Variants in DCLK2 observed in about 807,000 individuals in gnomAD.
DCLK2 encodes the protein serine/threonine-protein kinase DCLK2.
A neutral mutation model predicts 78.4 loss-of-function variants in DCLK2; 31 were observed. That is an observed-to-expected ratio of 0.40 (90% CI 0.30 to 0.53). The LOEUF is 0.53. Among genes scored for constraint, DCLK2 ranks in the 20% least tolerant of loss-of-function variants. The probability of loss-of-function intolerance (pLI) is 0.61; values close to 1 mark genes in which losing one functional copy is unlikely to be tolerated. For synonymous variants in DCLK2, 407 were observed against 374.9 expected (o/e 1.09, Z -0.99); for missense variants, 872 against 973.7 (o/e 0.90, Z 1.39).
chr4:150,247,838 C>T, intron 13 of DCLK2, 139 bp downstream of exon 13: 1 of 667,486 alleles, frequency 1.5e-6, no homozygotes, highest in Non-Finnish European at 2.5e-6. Flanking sequence ...TAAGTTTATC[C>T]CATGGTATGG....
chr4:150,167,698 G>A (rs1736202533), intron 2 of DCLK2, among the ~76,000 whole-genome samples: 2 of 152,118 alleles, frequency 1.3e-5, no homozygotes, highest in Non-Finnish European at 2.9e-5. Context: ...TTAAAATAAT[G>A]ATTGGTCGCA....
chr4:150,161,409 G>A (rs4240359), intron 2 of DCLK2, among the ~76,000 whole-genome samples: 40,741 of 152,016 alleles, frequency 0.27, 5,691 homozygotes, highest in South Asian at 0.49. Flanking sequence ...TGTGTTCAGA[G>A]GGTAATATAT....
intron 6 of DCLK2, among the ~76,000 whole-genome samples, chr4:150,221,240 C>G (rs1209421496): frequency 6.6e-6 from 1 of 151,888 alleles, no homozygotes; most frequent in Non-Finnish European, 1.5e-5. Context: ...AGAATTTTCT[C>G]TACTAGAAAA....
chr4:150,158,004 T>A (rs1260904691), intron 2 of DCLK2, among the ~76,000 whole-genome samples: 1 of 152,242 alleles, frequency 6.6e-6, no homozygotes, highest in African/African-American at 2.4e-5. Context: ...CATTGTAATA[T>A]CTACGATGTT....
At chr4:150,116,310 A>G (rs146741442) in intron 2 of DCLK2, among the ~76,000 whole-genome samples, 3 of 152,322 alleles carry the variant, frequency 2.0e-5, no homozygotes, top group African/African-American at 4.8e-5. Context: ...CCCTTCTCCA[A>G]GATCCTTCAC....
chr4:150,212,078 A>T (rs968428109), intron 5 of DCLK2, among the ~76,000 whole-genome samples: 1 of 152,228 alleles, frequency 6.6e-6, no homozygotes, highest in African/African-American at 2.4e-5. Context: ...ATCTGTGGAC[A>T]CTGAGGGATA....
At chr4:150,157,489 TTTTG>T (rs140147570) in intron 2 of DCLK2, among the ~76,000 whole-genome samples, 13,858 of 98,822 alleles carry the variant, frequency 0.14, 984 homozygotes, top group East Asian at 0.27. Flanking sequence ...GAGATGGTTT[TTTTG>T]TTTGTTTGTT....
chr4:150,134,288 G>A (rs1733544379), intron 2 of DCLK2, among the ~76,000 whole-genome samples: 1 of 151,854 alleles, frequency 6.6e-6, no homozygotes, highest in African/African-American at 2.4e-5. Flanking sequence ...CACCATGTTG[G>A]TCAGGCTGCT....
At chr4:150,232,922 C>G in intron 10 of DCLK2, 94 bp downstream of exon 10, 1 of 1,435,032 alleles carries the variant, frequency 7.0e-7, no homozygotes, top group Non-Finnish European at 9.4e-7. Context: ...CTATACCAAT[C>G]CTACATTATG....
chr4:150,079,554 G>A (rs933601783), intron 1 of DCLK2, 106 bp downstream of exon 1: 24 of 1,146,106 alleles, frequency 2.1e-5, no homozygotes, highest in Non-Finnish European at 2.9e-5. Context: ...CAAGCCGCAC[G>A]GGAATTGATG....
At chr4:150,188,698 G>A (rs2126335672) in intron 2 of DCLK2, among the ~76,000 whole-genome samples, 1 of 151,912 alleles carries the variant, frequency 6.6e-6, no homozygotes, top group Non-Finnish European at 1.5e-5. Flanking sequence ...TCAGGAGATC[G>A]AGACCATCCT....
At chr4:150,160,222 T>G (rs781084710) in intron 2 of DCLK2, among the ~76,000 whole-genome samples, 2 of 152,144 alleles carry the variant, frequency 1.3e-5, no homozygotes, top group Non-Finnish European at 2.9e-5. Context: ...TTCACCACGT[T>G]GCCCAGGCTG....
At chr4:150,254,466 C>T in intron 15 of DCLK2, 1 of 398,810 alleles carries the variant, frequency 2.5e-6, no homozygotes, top group Non-Finnish European at 4.4e-6. Flanking sequence ...TGCCAGCCTG[C>T]CTTCTGCCAC....
At position 150,210,686 on chromosome 4, in the gene DCLK2, G is replaced by A. The variant is rs1331053323; in HGVS notation, c.1056+6797G>A. Among the ~76,000 whole-genome samples the A allele has an allele frequency of 3.9e-5, 6 of 152,220 alleles. 1 individual carries two copies. Among genetic ancestry groups the A allele is most frequent in the Admixed American group, 1.3e-4 (2 of 15,272 alleles). On this transcript the variant is annotated intron_variant, in intron 5 of 15. Coordinates refer to ENST00000296550, the MANE Select transcript of DCLK2 (RefSeq NM_001040260.4). ...ATTCTGGCAAGGCACAGTCGCTCAC[G>A]CCTTTAATCCTAGCACTTTGGGAGG...
chr4:150,197,987 TTTG>T lies in DCLK2; in HGVS notation c.860-12_860-10del. ...TAAAACCAGATTTAGTTAATGCACT[TTTG>T]TTCTTTTCTAGAATGTCGTGTCCTG... is the stretch of plus-strand genomic sequence containing the variant. On this transcript the variant is annotated splice_polypyrimidine_tract_variant and intron_variant, in intron 3 of 15. Coordinates refer to ENST00000296550, the MANE Select transcript of DCLK2 (RefSeq NM_001040260.4). 6.2e-7 allele frequency: 1 copy of T among 1,601,446 alleles called. No individual in the cohort carries two copies. Among genetic ancestry groups the T allele is most frequent in the Non-Finnish European group, 8.5e-7 (1 of 1,175,402 alleles).
chr4:150,185,517 C>T (rs972254061), intron 2 of DCLK2, among the ~76,000 whole-genome samples: 3 of 151,830 alleles, frequency 2.0e-5, no homozygotes, highest in Admixed American at 2.0e-4. Flanking sequence ...AGTTCGAGAC[C>T]AGCCTGACCA....
rs59728799 is a variant in DCLK2 at position 150,113,697 on chromosome 4, C to CTT, written c.756+10896_756+10897dup. 5.5e-3 allele frequency among the ~76,000 whole-genome samples: 776 copies of CTT among 141,356 alleles called. 4 individuals are homozygous for CTT. Among genetic ancestry groups the CTT allele is most frequent in the African/African-American group, 0.019 (725 of 38,368 alleles). 92.7% of individuals were successfully genotyped at this position (141,356 alleles called of 152,430 possible). On this transcript the variant is annotated intron_variant, in intron 2 of 15. Transcript: ENST00000296550. ...TTGTTTATCTTTGCAAAGAACCAAC[C>CTT]TTTTTTTTTTTTCATTGATCTTTTG...
At chr4:150,193,501 C>G (rs546228700) in intron 3 of DCLK2, among the ~76,000 whole-genome samples, 1 of 152,294 alleles carries the variant, frequency 6.6e-6, no homozygotes, top group East Asian at 1.9e-4. Context: ...CAATTCAGTT[C>G]CCTCTCTTAT....
At chr4:150,111,026 T>C (rs1388656390) in intron 2 of DCLK2, among the ~76,000 whole-genome samples, 2 of 152,208 alleles carry the variant, frequency 1.3e-5, no homozygotes, top group African/African-American at 4.8e-5. Context: ...GATCAAATGG[T>C]AGATCTACTT....
Sources: gnomAD v4.1 joint callset for allele counts (sites outside exome capture counted in the v4.1 genomes callset) on GRCh38, gnomAD v4.1.1 for gene constraint, MANE v1.5 for transcripts, NCBI Gene and HGNC (gene_info 2026-07-23, HGNC 2026-07-21) for gene names.